Variants in TMEM108 observed in about 807,000 individuals in gnomAD.
TMEM108 encodes cancer/testis antigen 124.
A neutral mutation model predicts 35.1 loss-of-function variants in TMEM108; 12 were observed. That is an observed-to-expected ratio of 0.34 (90% CI 0.22 to 0.55). TMEM108 has a LOEUF of 0.55. Among genes scored for constraint, TMEM108 ranks in the 20% least tolerant of loss-of-function variants. The probability of loss-of-function intolerance (pLI) is 0.89; values close to 1 mark genes in which losing one functional copy is unlikely to be tolerated. For missense variants in TMEM108, 680 were observed against 753.3 expected (o/e 0.90, Z 1.14); for synonymous variants, 287 against 308.6 (o/e 0.93, Z 0.73).
intron 3 of TMEM108, among the ~76,000 whole-genome samples, chr3:133,364,880 A>T (rs1405924461): frequency 6.6e-6 from 1 of 152,212 alleles, no homozygotes. Flanking sequence ...GAGAAGCCGG[A>T]TCAGGCAGGG....
At chr3:133,050,280 G>A (rs1943388030) in intron 2 of TMEM108, among the ~76,000 whole-genome samples, 1 of 152,130 alleles carries the variant, frequency 6.6e-6, no homozygotes, top group Non-Finnish European at 1.5e-5. Flanking sequence ...TTTGATGGAT[G>A]CATTGCTTGT....
At chr3:133,371,436 C>T (rs561022082) in intron 3 of TMEM108, among the ~76,000 whole-genome samples, 1 of 152,138 alleles carries the variant, frequency 6.6e-6, no homozygotes, top group South Asian at 2.1e-4. Flanking sequence ...AGGCTGAAGG[C>T]CGTGAACCTC....
chr3:133,365,935 T>C (rs1253800023), intron 3 of TMEM108, among the ~76,000 whole-genome samples: 1 of 151,644 alleles, frequency 6.6e-6, no homozygotes, highest in Non-Finnish European at 1.5e-5. Context: ...AGTTTGCAGC[T>C]GGCAGAGTCT....
intron 3 of TMEM108, among the ~76,000 whole-genome samples, chr3:133,284,213 A>G (rs186165942): frequency 9.9e-5 from 15 of 152,282 alleles, no homozygotes; most frequent in African/African-American, 3.6e-4. Context: ...AGGGCATGTC[A>G]TGTTCCAGCC....
chr3:133,350,618 G>T (rs1332588385), intron 3 of TMEM108, among the ~76,000 whole-genome samples: 1 of 152,086 alleles, frequency 6.6e-6, no homozygotes, highest in Non-Finnish European at 1.5e-5. Flanking sequence ...AATGGAGAAA[G>T]GGTAACTTCC....
intron 2 of TMEM108, among the ~76,000 whole-genome samples, chr3:133,091,166 G>A (rs1369836016): frequency 1.3e-5 from 2 of 152,088 alleles, no homozygotes; most frequent in Non-Finnish European, 2.9e-5. Flanking sequence ...TAGATTCTTA[G>A]ATAAAACATG....
At chr3:133,263,138 C>T (rs1946648974) in intron 3 of TMEM108, among the ~76,000 whole-genome samples, 1 of 152,128 alleles carries the variant, frequency 6.6e-6, no homozygotes, top group African/African-American at 2.4e-5. Context: ...TTGTAAGACT[C>T]CAGACAACCT....
intron 3 of TMEM108, among the ~76,000 whole-genome samples, chr3:133,334,040 T>C (rs1337119645): frequency 6.6e-6 from 1 of 152,148 alleles, no homozygotes; most frequent in Non-Finnish European, 1.5e-5. Flanking sequence ...TTAGAGGTGG[T>C]TTAGAGCCCA....
Position 133,390,296 on chromosome 3 carries a change from G to C in TMEM108, c.1567G>C (p.Glu523Gln). 1 of 1,614,204 alleles carries C rather than the reference G, an allele frequency of 6.2e-7. No homozygotes were observed. Among genetic ancestry groups the C allele is most frequent in the Non-Finnish European group, 8.5e-7 (1 of 1,180,028 alleles). ...GGACTACTTCAACAGGCATGCTGTG[G>C]AGCTGCCCAGGGAGATCCAGTCCCT... ...TMDYFNRHAV[E>Q]LPREIQSLET... is the part of the protein sequence containing the mutation. Residue 523 changes from glutamate (E) to glutamine (Q), a missense_variant, in exon 5 of 6, where the codon GAG (glutamate) becomes CAG (glutamine). This residue lies in a region of TMEM108 where 105 missense variants were observed against 150.7 expected (regional missense o/e 0.70). Transcript: ENST00000321871.
chr3:133,354,868 T>C (rs141966724), intron 3 of TMEM108, among the ~76,000 whole-genome samples: 3 of 130,566 alleles, frequency 2.3e-5, no homozygotes, highest in African/African-American at 7.8e-5. Flanking sequence ...TTGGCATATG[T>C]ACTAAGCACA....
At position 133,379,756 on chromosome 3, in the gene TMEM108, C is replaced by T; in HGVS notation, c.45C>T (p.Phe15=). 2 of 1,612,606 alleles carry T rather than the reference C, an allele frequency of 1.2e-6. No homozygotes were observed. The highest frequency in any genetic ancestry group is 1.1e-5 in the South Asian group (1 of 90,890). The change falls in exon 4 of 6, where the codon TTC becomes TTT. Residue 15 remains phenylalanine, a synonymous_variant. Transcript: ENST00000321871. ...TCTCTCTGTCTCCTTTTCAAGGTTT[C>T]CTGCTGATCTTGGCACTGACCGAAG... ...LQALYCQLLS[F]LLILALTEAL... is the part of the protein sequence containing the mutation.
chr3:133,214,131 C>G (rs1280969536), intron 2 of TMEM108, among the ~76,000 whole-genome samples: 1 of 152,190 alleles, frequency 6.6e-6, no homozygotes, highest in Non-Finnish European at 1.5e-5. Context: ...TTACTGTGTA[C>G]CTGGCCCTGG....
At chr3:133,162,074 T>A (rs1336210558) in intron 2 of TMEM108, among the ~76,000 whole-genome samples, 1 of 152,108 alleles carries the variant, frequency 6.6e-6, no homozygotes, top group Non-Finnish European at 1.5e-5. Context: ...TGATTAAAGA[T>A]ATGAGTGTAT....
chr3:133,057,421 T>TTGTG (rs139260604), intron 2 of TMEM108, among the ~76,000 whole-genome samples: 25 of 105,474 alleles, frequency 2.4e-4, no homozygotes, highest in East Asian at 1.8e-3. Context: ...GGGCTATTAG[T>TTGTG]TGTGTGTGTG....
chr3:133,268,268 A>T (rs2107680263), intron 3 of TMEM108, among the ~76,000 whole-genome samples: 1 of 152,364 alleles, frequency 6.6e-6, no homozygotes, highest in South Asian at 2.1e-4. Flanking sequence ...AAATCCAGCA[A>T]GATCATGTGG....
chr3:133,337,440 C>G (rs989057738), intron 3 of TMEM108, among the ~76,000 whole-genome samples: 1 of 152,136 alleles, frequency 6.6e-6, no homozygotes, highest in Admixed American at 6.5e-5. Flanking sequence ...AGATCTTATC[C>G]AAGACCATTA....
chr3:133,119,077 G>A (rs1011390746), intron 2 of TMEM108: 4 of 152,088 alleles, frequency 2.6e-5, no homozygotes, highest in Middle Eastern at 3.4e-3. Flanking sequence ...ACCATTCTCC[G>A]AGGCCCGATG....
intron 3 of TMEM108, among the ~76,000 whole-genome samples, chr3:133,305,515 A>AAAATAAAT (rs150891344): frequency 1.3e-4 from 19 of 151,132 alleles, no homozygotes; most frequent in South Asian, 1.3e-3. Context: ...AAAGTATAAT[A>AAAATAAAT]AAATAAATAA....
chr3:133,309,943 A>C (rs764384068), intron 3 of TMEM108, among the ~76,000 whole-genome samples: 17 of 150,644 alleles, frequency 1.1e-4, no homozygotes, highest in Non-Finnish European at 2.5e-4. Context: ...CTCGTGATCC[A>C]CCCTCCTCGG....
Sources: allele counts gnomAD v4.1 joint callset (sites outside exome capture counted in the v4.1 genomes callset), GRCh38; gene constraint gnomAD v4.1.1; regional missense constraint gnomAD v4.1.1; transcripts MANE v1.5; gene names NCBI Gene and HGNC (gene_info 2026-07-23, HGNC 2026-07-21).